The following PTPRM variants were observed in gnomAD, a reference collection of about 807,000 sequenced individuals.
PTPRM encodes receptor-type tyrosine-protein phosphatase mu.
Under a neutral mutation model 186.7 loss-of-function variants are expected in PTPRM, and 47 were observed. The ratio of observed to expected loss-of-function variants is 0.25; its 90% CI spans 0.20 to 0.32. The LOEUF (loss-of-function observed/expected upper bound fraction) is 0.32. Ranked by LOEUF, PTPRM falls within the 10% of genes least tolerant of loss-of-function variation. PTPRM has a pLI of 1.00. For missense variants in PTPRM, 1,494 were observed against 1,865.0 expected (o/e 0.80, Z 3.66); for synonymous variants, 668 against 674.9 (o/e 0.99, Z 0.16).
At chr18:7,712,484 A>T (rs939551344) in intron 1 of PTPRM, among the ~76,000 whole-genome samples, 1 of 152,112 alleles carries the variant, frequency 6.6e-6, no homozygotes, top group Non-Finnish European at 1.5e-5. Flanking sequence ...ACAACTCCTT[A>T]CTGGCAAGGG....
intron 23 of PTPRM, among the ~76,000 whole-genome samples, chr18:8,350,919 G>A (rs1469213648): frequency 1.9e-5 from 1 of 53,100 alleles, no homozygotes; most frequent in Non-Finnish European, 8.4e-5. Context: ...GAATGCTCTA[G>A]GTCTACACAG....
chr18:8,247,934 C>T lies in PTPRM; in HGVS notation c.2527+15C>T. The T allele has an allele frequency of 6.5e-7, 1 of 1,549,648 alleles. No individual in the cohort carries two copies. Among genetic ancestry groups the T allele is most frequent in the Middle Eastern group, 1.7e-4 (1 of 5,946 alleles). On this transcript the variant is annotated intron_variant, in intron 16 of 32. Coordinates refer to ENST00000580170, the MANE Select transcript of PTPRM (RefSeq NM_001105244.2). The stretch of plus-strand genomic sequence containing the variant: ...CTATTACCCAGGTAACAGTTTTTTC[C>T]ATTGTCTCCTCTCTGCTCTCTCCTC...
At chr18:8,091,985 A>G (rs751014828) in intron 11 of PTPRM, among the ~76,000 whole-genome samples, 15 of 152,138 alleles carry the variant, frequency 9.9e-5, no homozygotes, top group Admixed American at 5.9e-4. Context: ...GCTTTCCTGG[A>G]TTTTGCACAG....
chr18:7,849,456 T>C (rs1210956878), intron 2 of PTPRM, among the ~76,000 whole-genome samples: 1 of 152,188 alleles, frequency 6.6e-6, no homozygotes, highest in Non-Finnish European at 1.5e-5. Flanking sequence ...AAAATTCAGA[T>C]GAAAGTGGAT....
intron 19 of PTPRM, among the ~76,000 whole-genome samples, chr18:8,281,001 T>C (rs2094897408): frequency 6.6e-6 from 1 of 152,198 alleles, no homozygotes; most frequent in Non-Finnish European, 1.5e-5. Flanking sequence ...TTTTGAAGGA[T>C]AAAAGACCAA....
In PTPRM at chr18:7,568,263, C is replaced by T. The variant is rs1414644895; in HGVS notation, c.73+372C>T. ...CTTTGCTTGAAGTTCCCAGTTGCAG[C>T]CGCCGGGCCGCCTGGCGTAGGCGCT... is the stretch of plus-strand genomic sequence containing the variant. On this transcript the variant is annotated intron_variant, in intron 1 of 32. Transcript: ENST00000580170. This position sits in a 1 kb window ranked among gnomAD's most constrained non-coding sequence, Gnocchi z 5.1. 6.6e-6 allele frequency among the ~76,000 whole-genome samples: 1 copy of T among 151,790 alleles called. No homozygotes were observed. The highest frequency in any genetic ancestry group is 1.5e-5 in the Non-Finnish European group (1 of 67,880).
intron 2 of PTPRM, among the ~76,000 whole-genome samples, chr18:7,786,075 G>A (rs917177088): frequency 6.6e-6 from 1 of 152,176 alleles, no homozygotes; most frequent in African/African-American, 2.4e-5. Flanking sequence ...AGATGATTGT[G>A]CAGATCATTA....
chr18:8,197,733 G>A lies in PTPRM; in HGVS notation c.2301-46325G>A, dbSNP rs919078800. Among the ~76,000 whole-genome samples the A allele has an allele frequency of 3.9e-5, 6 of 152,188 alleles. No homozygotes were observed. The East Asian group carries it at 5.8e-4, about 15-fold the overall frequency. On this transcript the variant is annotated intron_variant, in intron 14 of 32. Coordinates refer to ENST00000580170, the MANE Select transcript of PTPRM (RefSeq NM_001105244.2). ...TCACACCACACACAAAAAGCCTTAC[G>A]GAGCAGTGGGTAAGCAGTCCTAACA...
intron 14 of PTPRM, among the ~76,000 whole-genome samples, chr18:8,199,435 A>T (rs551253334): frequency 2.0e-5 from 3 of 152,292 alleles, no homozygotes; most frequent in African/African-American, 7.2e-5. Flanking sequence ...TTGCAAAAGG[A>T]TAGTGCGCTG....
chr18:8,257,503 A>T (rs1251822795), intron 19 of PTPRM, among the ~76,000 whole-genome samples: 4 of 152,246 alleles, frequency 2.6e-5, no homozygotes, highest in African/African-American at 4.8e-5. Context: ...GCACACAGGC[A>T]ATGCTTAAAA....
At chr18:7,945,180 G>T (rs528671381) in intron 5 of PTPRM, among the ~76,000 whole-genome samples, 1 of 151,930 alleles carries the variant, frequency 6.6e-6, no homozygotes, top group Non-Finnish European at 1.5e-5. Context: ...CCGGCCGGGC[G>T]TGGTGGCTCA....
At chr18:8,221,848 T>C (rs1203254692) in intron 14 of PTPRM, among the ~76,000 whole-genome samples, 2 of 152,230 alleles carry the variant, frequency 1.3e-5, no homozygotes, top group Admixed American at 1.3e-4. Context: ...CTACCAATGA[T>C]TGTGATTGTG....
At chr18:8,362,354 A>C (rs569456542) in intron 23 of PTPRM, among the ~76,000 whole-genome samples, 6 of 152,116 alleles carry the variant, frequency 3.9e-5, no homozygotes, top group Admixed American at 6.6e-5. Flanking sequence ...CCCTTTAAAA[A>C]CACTGCTCCT....
At chr18:7,697,050 G>T (rs1198494415) in intron 1 of PTPRM, among the ~76,000 whole-genome samples, 1 of 152,090 alleles carries the variant, frequency 6.6e-6, no homozygotes, top group Non-Finnish European at 1.5e-5. Flanking sequence ...CATCTGGAGT[G>T]GTTTATTAAA....
intron 17 of PTPRM, 67 bp from the exon 18 acceptor site, chr18:8,252,421 T>C: frequency 8.1e-7 from 1 of 1,232,616 alleles, no homozygotes; most frequent in South Asian, 1.2e-5. Context: ...ATGCACGCAG[T>C]ACTATTGCTT....
intron 22 of PTPRM, among the ~76,000 whole-genome samples, chr18:8,341,397 G>C (rs912402566): frequency 6.6e-6 from 1 of 152,204 alleles, no homozygotes. Context: ...AAACGAAGAA[G>C]GCTGAGTTCC....
intron 2 of PTPRM, among the ~76,000 whole-genome samples, chr18:7,798,680 G>A (rs2043798473): frequency 6.6e-6 from 1 of 152,058 alleles, no homozygotes; most frequent in African/African-American, 2.4e-5. Flanking sequence ...TGTGCATGAT[G>A]TGAAATAAGG....
chr18:8,046,130 T>C (rs1048901671), intron 7 of PTPRM, among the ~76,000 whole-genome samples: 13 of 152,170 alleles, frequency 8.5e-5, no homozygotes, highest in Admixed American at 2.6e-4. Context: ...CTGGCACTTA[T>C]TGTCTCTGCT....
chr18:8,069,587 G>C (rs748988026), intron 7 of PTPRM, 99 bp from the exon 8 acceptor site: 57 of 1,034,180 alleles, frequency 5.5e-5, no homozygotes, highest in Non-Finnish European at 7.4e-5. Flanking sequence ...AGGAGACCAG[G>C]TGGTGGGGAC....
Sources: gnomAD v4.1 joint callset for allele counts (sites outside exome capture counted in the v4.1 genomes callset) on GRCh38, gnomAD v4.1.1 for gene constraint, Gnocchi (gnomAD v3.1) non-coding constraint, MANE v1.5 for transcripts, NCBI Gene and HGNC (gene_info 2026-07-23, HGNC 2026-07-21) for gene names.